Variants in SEL1L observed in about 807,000 individuals in gnomAD.
SEL1L encodes protein sel-1 homolog 1.
A neutral mutation model predicts 109.8 loss-of-function variants in SEL1L; 52 were observed. That is an observed-to-expected ratio of 0.47 (90% CI 0.38 to 0.60). The LOEUF (loss-of-function observed/expected upper bound fraction) is 0.60, where lower values mean the gene tolerates loss of function less well. Among genes scored for constraint, SEL1L ranks in the 20% least tolerant of loss-of-function variants. The probability of loss-of-function intolerance (pLI) is 0.00; values close to 1 mark genes in which losing one functional copy is unlikely to be tolerated. For missense variants in SEL1L, 749 were observed against 962.2 expected (o/e 0.78, Z 2.93); for synonymous variants, 373 against 339.6 (o/e 1.10, Z -1.08).
At chr14:81,514,499 C>T (rs115559581) in intron 3 of SEL1L, among the ~76,000 whole-genome samples, 3,813 of 152,222 alleles carry the variant, frequency 0.025, 155 homozygotes, top group African/African-American at 0.087. Context: ...TTTCTCAGTC[C>T]TCTTTGGGGT....
intron 8 of SEL1L, chr14:81,499,242 A>C (rs1024739110): frequency 1.3e-5 from 16 of 1,230,422 alleles, no homozygotes; most frequent in Non-Finnish European, 1.5e-5. Flanking sequence ...CAGCCAAACT[A>C]ATCATTTTAA....
intron 19 of SEL1L, among the ~76,000 whole-genome samples, chr14:81,481,589 TC>T: frequency 6.6e-6 from 1 of 152,240 alleles, no homozygotes; most frequent in Non-Finnish European, 1.5e-5. Context: ...TTAAAACTTA[TC>T]AAATAATATG....
rs1474318944 is a variant in SEL1L, at chr14:81,471,952, TTTTA to T, written c.*5016_*5019del. 6 of 152,216 alleles carry T rather than the reference TTTTA, an allele frequency of 3.9e-5. No homozygotes were observed. The highest frequency in any genetic ancestry group is 8.8e-5 in the Non-Finnish European group (6 of 68,042). The allele number at this position is 152,216 out of a possible 1,614,324, so 9.4% of individuals were successfully genotyped here. ...ATACCCAAAAAGTAAAAACTTTCCT[TTTTA>T]TTTTTCGTAGTTTCTACTACAGAAA... On this transcript the variant is annotated 3_prime_UTR_variant, in exon 21 of 21. Transcript: ENST00000336735.
chr14:81,495,353 T>C (rs1332858378), intron 10 of SEL1L, among the ~76,000 whole-genome samples: 1 of 152,230 alleles, frequency 6.6e-6, no homozygotes, highest in African/African-American at 2.4e-5. Context: ...AAAGTACCAT[T>C]TGCGGCCAGG....
intron 17 of SEL1L, among the ~76,000 whole-genome samples, 179 bp from the exon 18 acceptor site, chr14:81,485,925 T>C (rs1207217488): frequency 6.6e-6 from 1 of 152,224 alleles, no homozygotes; most frequent in Non-Finnish European, 1.5e-5. Flanking sequence ...AAGCAATCAC[T>C]GGATGCAAGA....
At chr14:81,515,432 C>T (rs1364356594) in intron 3 of SEL1L, among the ~76,000 whole-genome samples, 1 of 152,142 alleles carries the variant, frequency 6.6e-6, no homozygotes, top group Non-Finnish European at 1.5e-5. Flanking sequence ...TTGGAGACAC[C>T]TGGTATCTTA....
intron 1 of SEL1L, among the ~76,000 whole-genome samples, chr14:81,530,314 G>T (rs1222265998): frequency 6.6e-6 from 1 of 152,150 alleles, no homozygotes; most frequent in East Asian, 1.9e-4. Context: ...GCTAGGTCTG[G>T]AACCTGGCTT....
intron 3 of SEL1L, among the ~76,000 whole-genome samples, chr14:81,518,353 G>C (rs1939090627): frequency 6.6e-6 from 1 of 151,640 alleles, no homozygotes; most frequent in South Asian, 2.1e-4. Flanking sequence ...ACAAATAATA[G>C]GTAAAATGTG....
At chr14:81,480,871 C>T (rs1007599741) in intron 19 of SEL1L, among the ~76,000 whole-genome samples, 12 of 152,152 alleles carry the variant, frequency 7.9e-5, no homozygotes, top group East Asian at 1.9e-4. Context: ...CTTCGCTTTG[C>T]TAAAGGAAGG....
At position 81,495,022 on chromosome 14, in the gene SEL1L, T is replaced by C. The variant is rs375139934; in HGVS notation, c.1185+59A>G. 5.5e-4 allele frequency: 820 copies of C among 1,501,018 alleles called. 1 individual carries two copies. The highest frequency in any genetic ancestry group is 3.1e-3 in the South Asian group (268 of 85,496). 93.0% of individuals were successfully genotyped at this position (1,501,018 alleles called of 1,614,324 possible). A position where few individuals can be genotyped will look rare whatever the true frequency, so the allele number is the denominator to read the frequency against. On this transcript the variant is annotated intron_variant, in intron 11 of 20. Coordinates refer to ENST00000336735, the MANE Select transcript of SEL1L (RefSeq NM_005065.6). ...TGGTATTGACTTAGCAAGAAATACA[T>C]TGGGAACATCATTTCCTGCTAAAAC...
At chr14:81,532,265 T>A (rs1393792956) in intron 1 of SEL1L, among the ~76,000 whole-genome samples, 1 of 152,204 alleles carries the variant, frequency 6.6e-6, no homozygotes, top group Non-Finnish European at 1.5e-5. Flanking sequence ...GTGTGAAGAA[T>A]CCCTCATGGA....
intron 19 of SEL1L, among the ~76,000 whole-genome samples, chr14:81,484,008 G>C (rs1595503712): frequency 1.3e-5 from 2 of 152,210 alleles, no homozygotes; most frequent in African/African-American, 4.8e-5. Flanking sequence ...TCTGTCTTCA[G>C]CTTAATCCCT....
At chr14:81,482,531 G>A (rs923908943) in intron 19 of SEL1L, among the ~76,000 whole-genome samples, 6 of 151,992 alleles carry the variant, frequency 3.9e-5, no homozygotes, top group Admixed American at 1.3e-4. Flanking sequence ...ACAAAAATCC[G>A]TCAGCCTTTC....
chr14:81,515,445 C>T (rs1884663210), intron 3 of SEL1L, among the ~76,000 whole-genome samples: 1 of 152,148 alleles, frequency 6.6e-6, no homozygotes. Flanking sequence ...GTATCTTAGT[C>T]AAGTAAATGA....
rs947831198 is a variant in SEL1L at position 81,473,140 on chromosome 14, T to G, written c.*3832A>C. ...CTTTTAAAACTTCCTCTTCTACATA[T>G]TTATAGTGGTTACATCTTGATTATA... On this transcript the variant is annotated 3_prime_UTR_variant, in exon 21 of 21. Coordinates refer to ENST00000336735, the MANE Select transcript of SEL1L (RefSeq NM_005065.6). 4 of 152,278 alleles carry G rather than the reference T, an allele frequency of 2.6e-5. No homozygotes were observed. The highest frequency in any genetic ancestry group is 9.6e-5 in the African/African-American group (4 of 41,466). 9.4% of individuals were successfully genotyped at this position (152,278 alleles called of 1,614,324 possible).
intron 2 of SEL1L, 37 bp from the exon 3 acceptor site, chr14:81,527,001 C>G: frequency 1.4e-6 from 2 of 1,462,476 alleles, no homozygotes; most frequent in Non-Finnish European, 1.9e-6. Context: ...TCAACAATGC[C>G]AAGACTTTCC....
intron 3 of SEL1L, among the ~76,000 whole-genome samples, chr14:81,512,815 G>A (rs559844127): frequency 5.9e-5 from 9 of 152,284 alleles, no homozygotes; most frequent in East Asian, 1.9e-4. Flanking sequence ...TTATGATGGC[G>A]TTTTAATTAT....
intron 3 of SEL1L, among the ~76,000 whole-genome samples, chr14:81,525,860 T>A (rs1185578039): frequency 1.3e-5 from 2 of 152,178 alleles, no homozygotes; most frequent in Admixed American, 6.5e-5. Context: ...TTTGACCCAA[T>A]TTACTTTTCT....
intron 3 of SEL1L, among the ~76,000 whole-genome samples, chr14:81,525,676 T>C (rs936444168): frequency 1.3e-5 from 2 of 152,136 alleles, no homozygotes; most frequent in African/African-American, 2.4e-5. Context: ...CAAAGATACA[T>C]CTAAAATGAT....
Sources: gnomAD v4.1 joint callset for allele counts (sites outside exome capture counted in the v4.1 genomes callset) on GRCh38, gnomAD v4.1.1 for gene constraint, MANE v1.5 for transcripts, NCBI Gene and HGNC (gene_info 2026-07-23, HGNC 2026-07-21) for gene names.